KCNH5: variants seen among roughly 807,000 people sequenced by gnomAD.
KCNH5 encodes voltage-gated delayed rectifier potassium channel KCNH5.
Under a neutral mutation model 96.1 loss-of-function variants are expected in KCNH5, and 46 were observed. The observed-to-expected ratio is 0.48, with a 90% CI of 0.38 to 0.61. KCNH5 has a LOEUF of 0.61. KCNH5 is among the 20% of genes least tolerant of loss of function. KCNH5 has a pLI of 0.00. For missense variants in KCNH5, 907 were observed against 1,225.8 expected (o/e 0.74, Z 3.88); for synonymous variants, 439 against 449.8 (o/e 0.98, Z 0.30).
chr14:62,957,150 T>G (rs1890119785), intron 6 of KCNH5, among the ~76,000 whole-genome samples: 1 of 152,196 alleles, frequency 6.6e-6, no homozygotes, highest in Non-Finnish European at 1.5e-5. Context: ...CAAGGAACAG[T>G]ATCCAGGAGA....
chr14:63,012,866 C>A (rs574206074), intron 2 of KCNH5, among the ~76,000 whole-genome samples: 3 of 151,486 alleles, frequency 2.0e-5, no homozygotes, highest in African/African-American at 7.3e-5. Context: ...AAAGCAATAT[C>A]ATTTCAAGAA....
intron 10 of KCNH5, among the ~76,000 whole-genome samples, chr14:62,761,206 T>C (rs1333631581): frequency 6.6e-6 from 1 of 151,606 alleles, no homozygotes; most frequent in Non-Finnish European, 1.5e-5. Flanking sequence ...AATACAAAAA[T>C]TAGCTGGGTG....
At chr14:62,797,181 A>G (rs911613978) in intron 9 of KCNH5, among the ~76,000 whole-genome samples, 5 of 152,130 alleles carry the variant, frequency 3.3e-5, no homozygotes, top group Non-Finnish European at 5.9e-5. Flanking sequence ...TGATGGAGGG[A>G]GGGTTTGAAG....
At chr14:62,709,213 A>G (rs1341927571) in intron 10 of KCNH5, among the ~76,000 whole-genome samples, 2 of 126,346 alleles carry the variant, frequency 1.6e-5, no homozygotes, top group African/African-American at 5.8e-5. Context: ...CGCCTGGGCG[A>G]CAGAACGAGA....
intron 7 of KCNH5, among the ~76,000 whole-genome samples, chr14:62,930,180 CT>C: frequency 6.6e-6 from 1 of 152,194 alleles, no homozygotes; most frequent in South Asian, 2.1e-4. Flanking sequence ...AATATTAACT[CT>C]GTTTTAAGTT....
intron 10 of KCNH5, among the ~76,000 whole-genome samples, chr14:62,739,026 C>T (rs901069291): frequency 2.0e-5 from 3 of 151,996 alleles, no homozygotes; most frequent in Non-Finnish European, 4.4e-5. Context: ...ATAAATTGGA[C>T]AGGAGAAGTA....
intron 6 of KCNH5, among the ~76,000 whole-genome samples, chr14:62,967,862 G>A (rs1209649080): frequency 6.6e-6 from 1 of 152,124 alleles, no homozygotes; most frequent in Non-Finnish European, 1.5e-5. Flanking sequence ...CTCTATGTTA[G>A]AATCATCCCC....
At chr14:62,897,054 C>A (rs139408389) in intron 7 of KCNH5, among the ~76,000 whole-genome samples, 2 of 152,310 alleles carry the variant, frequency 1.3e-5, no homozygotes, top group African/African-American at 4.8e-5. Context: ...AAATGTAACT[C>A]ATGGTCACTG....
intron 7 of KCNH5, among the ~76,000 whole-genome samples, chr14:62,930,128 T>C (rs1286795237): frequency 1.3e-5 from 2 of 152,140 alleles, no homozygotes; most frequent in African/African-American, 2.4e-5. Context: ...TAATGATCTC[T>C]TTTCCTTTGG....
chr14:63,003,615 T>TA (rs1775455790), intron 3 of KCNH5, among the ~76,000 whole-genome samples: 5 of 123,448 alleles, frequency 4.1e-5, no homozygotes, highest in African/African-American at 1.3e-4. Context: ...TATTTATATA[T>TA]ATATATATAT....
At chr14:62,963,503 GT>G (rs1890251128) in intron 6 of KCNH5, among the ~76,000 whole-genome samples, 1 of 152,100 alleles carries the variant, frequency 6.6e-6, no homozygotes, top group South Asian at 2.1e-4. Flanking sequence ...TGCAATTCAA[GT>G]CCAAAGACCT....
chr14:62,773,221 A>G (rs1886027322), intron 10 of KCNH5, among the ~76,000 whole-genome samples: 1 of 152,224 alleles, frequency 6.6e-6, no homozygotes, highest in Non-Finnish European at 1.5e-5. Flanking sequence ...CAATCACTTA[A>G]TTTCTTAGGT....
At chr14:62,820,869 G>C (rs1394886921) in intron 8 of KCNH5, among the ~76,000 whole-genome samples, 1 of 151,900 alleles carries the variant, frequency 6.6e-6, no homozygotes, top group Non-Finnish European at 1.5e-5. Context: ...TAGGATTACT[G>C]GGTCAAATTT....
chr14:63,015,648 A>C (rs1289541401), intron 2 of KCNH5, among the ~76,000 whole-genome samples: 1 of 152,034 alleles, frequency 6.6e-6, no homozygotes, highest in Non-Finnish European at 1.5e-5. Context: ...AGAGAGTCAT[A>C]CACAGGGGAT....
At chr14:62,728,450 T>C (rs1000457990) in intron 10 of KCNH5, among the ~76,000 whole-genome samples, 2 of 151,440 alleles carry the variant, frequency 1.3e-5, no homozygotes, top group Admixed American at 1.3e-4. Context: ...TCAGAGGCTA[T>C]GTTCTGGTAT....
intron 10 of KCNH5, among the ~76,000 whole-genome samples, chr14:62,776,431 C>T (rs998731936): frequency 3.3e-5 from 5 of 152,084 alleles, no homozygotes; most frequent in Non-Finnish European, 7.4e-5. Flanking sequence ...GGAAAAGAAC[C>T]CTCACCAGGG....
intron 6 of KCNH5, among the ~76,000 whole-genome samples, chr14:62,971,317 A>G (rs950921696): frequency 2.0e-4 from 31 of 152,136 alleles, no homozygotes; most frequent in African/African-American, 7.5e-4. Context: ...TGTGCACATG[A>G]TCTATGAGGA....
chr14:63,007,591 C>T (rs1213493935), intron 2 of KCNH5, among the ~76,000 whole-genome samples: 1 of 152,074 alleles, frequency 6.6e-6, no homozygotes, highest in East Asian at 1.9e-4. Flanking sequence ...TTTAAAGATG[C>T]TAAAACCATC....
At chr14:63,017,006 A>G (rs756148769) in intron 1 of KCNH5, 52 bp from the exon 2 acceptor site, 10 of 1,554,760 alleles carry the variant, frequency 6.4e-6, no homozygotes, top group South Asian at 4.9e-5. Context: ...TCAACAATGC[A>G]CTTATTTCAA....
Sources: gnomAD v4.1 joint callset for allele counts (sites outside exome capture counted in the v4.1 genomes callset) on GRCh38, gnomAD v4.1.1 for gene constraint, MANE v1.5 for transcripts, NCBI Gene and HGNC (gene_info 2026-07-23, HGNC 2026-07-21) for gene names.